TEX26: variants seen among roughly 807,000 people sequenced by gnomAD.
TEX26 encodes the protein testis expressed 26, also known as testis-expressed protein 26.
TEX26 carries 34 observed loss-of-function variants against 35.3 expected under a neutral mutation model. The ratio of observed to expected loss-of-function variants is 0.96; its 90% CI spans 0.73 to 1.28. The LOEUF is 1.28. Among genes scored for constraint, TEX26 ranks in the 50% most tolerant of loss-of-function variants. The pLI, the probability that TEX26 is intolerant of heterozygous loss-of-function variation, is 0.00. For synonymous variants in TEX26, 136 were observed against 111.8 expected (o/e 1.22, Z -1.36); for missense variants, 371 against 330.1 (o/e 1.12, Z -0.96).
chr13:30,962,791 T>A (rs1954392832), intron 4 of TEX26, among the ~76,000 whole-genome samples: 1 of 151,780 alleles, frequency 6.6e-6, no homozygotes, highest in Admixed American at 6.6e-5. Flanking sequence ...AGGTTATGTG[T>A]CAATGGTCCT....
At chr13:30,965,245 C>A (rs1954485353) in intron 4 of TEX26, among the ~76,000 whole-genome samples, 1 of 152,082 alleles carries the variant, frequency 6.6e-6, no homozygotes. Context: ...TTTAAAAAAT[C>A]AATATAAAAA....
intron 3 of TEX26, among the ~76,000 whole-genome samples, chr13:30,956,003 ATC>A (rs1428324696): frequency 6.6e-6 from 1 of 152,004 alleles, no homozygotes; most frequent in East Asian, 1.9e-4. Context: ...TCATCCTAAA[ATC>A]TCTCTTTTTT....
chr13:30,958,889 A>C (rs965977441), intron 4 of TEX26, among the ~76,000 whole-genome samples: 5 of 152,198 alleles, frequency 3.3e-5, no homozygotes, highest in African/African-American at 1.2e-4. Context: ...CTTCATAAAC[A>C]GCCAATGTTT....
At chr13:30,938,050 A>G (rs1953338462) in intron 1 of TEX26, among the ~76,000 whole-genome samples, 1 of 152,236 alleles carries the variant, frequency 6.6e-6, no homozygotes, top group Admixed American at 6.5e-5. Context: ...AAGGGGAACA[A>G]ATACAGGCAA....
At chr13:30,941,096 A>G (rs2138188294) in intron 2 of TEX26, among the ~76,000 whole-genome samples, 1 of 152,320 alleles carries the variant, frequency 6.6e-6, no homozygotes, top group South Asian at 2.1e-4. Context: ...GTAACAAGCC[A>G]TCTGGGGCTC....
At chr13:30,958,480 C>A (rs896699985) in intron 4 of TEX26, among the ~76,000 whole-genome samples, 1 of 152,140 alleles carries the variant, frequency 6.6e-6, no homozygotes, top group Non-Finnish European at 1.5e-5. Context: ...AATAATGACA[C>A]CCAGTGACTG....
At chr13:30,950,408 T>C (rs907139621) in intron 2 of TEX26, among the ~76,000 whole-genome samples, 2 of 152,150 alleles carry the variant, frequency 1.3e-5, no homozygotes, top group Non-Finnish European at 2.9e-5. Flanking sequence ...ATTCTGGTTA[T>C]ATTTAAAGTA....
Position 30,945,298 on chromosome 13 carries a change from A to G in TEX26, c.146+5520A>G, listed in dbSNP as rs528497121. On this transcript the variant is annotated intron_variant, in intron 2 of 6. Coordinates refer to ENST00000380473, the MANE Select transcript of TEX26 (RefSeq NM_152325.3). ...CGCTTTAGGTTTCCATTTGCATGCA[A>G]TATCTTTTTCCACCCTTTTTCCTTG... Among the ~76,000 whole-genome samples, 10 of 151,990 alleles carry G rather than the reference A, an allele frequency of 6.6e-5. No homozygotes were observed. The South Asian group carries it at 1.9e-3, about 28-fold the overall frequency.
chr13:30,939,745 C>T lies in TEX26; in HGVS notation c.113C>T (p.Thr38Met), dbSNP rs756035545. The T allele has an allele frequency of 2.4e-5, 38 of 1,613,916 alleles. No homozygotes were observed. Among genetic ancestry groups the T allele is most frequent in the Middle Eastern group, 1.6e-4 (1 of 6,084 alleles). Residue 38 changes from threonine (T) to methionine (M), a missense_variant, in exon 2 of 7, where the codon ACG becomes ATG. Coordinates refer to ENST00000380473, the MANE Select transcript of TEX26 (RefSeq NM_152325.3). Reference sequence around the variant, plus strand: ...GCTACCACTATGAGGACTGCATTCACGCCTAAAACAGGAGCAGTGCCTGCC... The same window carrying T: ...GCTACCACTATGAGGACTGCATTCATGCCTAAAACAGGAGCAGTGCCTGCC... ...SYATTMRTAFTPKTGAVPALI... is the reference protein window; with the variant it reads ...SYATTMRTAFMPKTGAVPALI...
At chr13:30,935,316 G>T (rs1342102757) in intron 1 of TEX26, among the ~76,000 whole-genome samples, 1 of 152,236 alleles carries the variant, frequency 6.6e-6, no homozygotes, top group Non-Finnish European at 1.5e-5. Context: ...ACCAGGGAGG[G>T]CCTGAAGTCT....
chr13:30,947,880 C>T (rs972037448), intron 2 of TEX26, among the ~76,000 whole-genome samples: 1 of 151,752 alleles, frequency 6.6e-6, no homozygotes, highest in Non-Finnish European at 1.5e-5. Context: ...GTAATGCTAT[C>T]CCTCCCCTCT....
At chr13:30,970,204 TGTGTGTGTGC>T (rs1161864083) in intron 6 of TEX26, among the ~76,000 whole-genome samples, 1 of 108,816 alleles carries the variant, frequency 9.2e-6, no homozygotes, top group Non-Finnish European at 2.0e-5. Flanking sequence ...TGTGTGTGTG[TGTGTGTGTGC>T]TGGGAGAAAG....
At chr13:30,936,949 C>T (rs896113147) in intron 1 of TEX26, 4 of 985,400 alleles carry the variant, frequency 4.1e-6, no homozygotes, top group Non-Finnish European at 4.8e-6. Flanking sequence ...GCATACTGTA[C>T]TTTCAGAAGC....
In TEX26 at chr13:30,952,756, C is replaced by G; in HGVS notation, c.243C>G (p.His81Gln). 1.9e-6 allele frequency: 3 copies of G among 1,612,982 alleles called. No individual in the cohort carries two copies. The highest frequency in any genetic ancestry group is 2.5e-6 in the Non-Finnish European group (3 of 1,179,476). Residue 81 changes from histidine to glutamine, a missense_variant, in exon 3 of 7, where the codon CAC (histidine) becomes CAG (glutamine). By Grantham distance (24) the His-to-Gln change is conservative. Coordinates refer to ENST00000380473, the MANE Select transcript of TEX26 (RefSeq NM_152325.3). ...QYSDEYTWKS[H>Q]SKEDLIKTET... ...GTGATGAGTACACTTGGAAATCACA[C>G]TCTAAAGAAGATTTGATCAAAACTG...
intron 6 of TEX26, among the ~76,000 whole-genome samples, chr13:30,974,504 G>A (rs1954819943): frequency 6.6e-6 from 1 of 152,146 alleles, no homozygotes; most frequent in African/African-American, 2.4e-5. Context: ...AAGTCCTGCT[G>A]CCTGTATTCA....
At chr13:30,943,212 C>A (rs1158540862) in intron 2 of TEX26, among the ~76,000 whole-genome samples, 5 of 152,166 alleles carry the variant, frequency 3.3e-5, no homozygotes, top group African/African-American at 1.2e-4. Flanking sequence ...TATTTCACCT[C>A]CTCCTTGGTT....
At chr13:30,949,895 A>C (rs1046706620) in intron 2 of TEX26, among the ~76,000 whole-genome samples, 2 of 152,152 alleles carry the variant, frequency 1.3e-5, no homozygotes, top group African/African-American at 2.4e-5. Context: ...TATAGTGAAA[A>C]TTAATATTGG....
Position 30,974,962 on chromosome 13 carries a change from C to T in TEX26, c.*55C>T. On this transcript the variant is annotated 3_prime_UTR_variant, in exon 7 of 7. Coordinates refer to ENST00000380473, the MANE Select transcript of TEX26 (RefSeq NM_152325.3). ...CTGAAAATCAATGGAAGCACGAGGA[C>T]ATTCCTAGTCATTTTCTCAATTATC... The T allele has an allele frequency of 8.5e-7, 1 of 1,178,010 alleles. No homozygotes were observed. Among genetic ancestry groups the T allele is most frequent in the Non-Finnish European group, 1.2e-6 (1 of 844,588 alleles). The allele number at this position is 1,178,010 out of a possible 1,614,324, so 73.0% of individuals were successfully genotyped here.
intron 4 of TEX26, among the ~76,000 whole-genome samples, chr13:30,959,533 A>T (rs1267199929): frequency 6.6e-6 from 1 of 152,178 alleles, no homozygotes; most frequent in Non-Finnish European, 1.5e-5. Context: ...ACATACTGTG[A>T]TTACATGAGT....
Sources: allele counts gnomAD v4.1 joint callset (sites outside exome capture counted in the v4.1 genomes callset), GRCh38; gene constraint gnomAD v4.1.1; transcripts MANE v1.5; gene names NCBI Gene and HGNC (gene_info 2026-07-23, HGNC 2026-07-21).